ETV6: variants seen among roughly 807,000 people sequenced by gnomAD.
ETV6 encodes transcription factor ETV6.
A neutral mutation model predicts 51.1 loss-of-function variants in ETV6; 16 were observed. The observed-to-expected ratio is 0.31, with a 90% CI of 0.21 to 0.48. The LOEUF is 0.48. Ranked by LOEUF, ETV6 falls within the 20% of genes least tolerant of loss-of-function variation. The pLI, the probability that ETV6 is intolerant of heterozygous loss-of-function variation, is 0.99. For missense variants in ETV6, 458 were observed against 594.8 expected, an observed-to-expected ratio of 0.77 and a Z score of 2.39; for synonymous variants, 240 against 224.1, an observed-to-expected ratio of 1.07 and a Z score of -0.64.
intron 1 of ETV6, among the ~76,000 whole-genome samples, chr12:11,728,829 A>G (rs2120967039): frequency 6.6e-6 from 1 of 152,326 alleles, no homozygotes; most frequent in East Asian, 1.9e-4. Context: ...CCACCTGAAA[A>G]GATTTTTTTC....
chr12:11,790,506 CT>C (rs1228453374), intron 2 of ETV6, among the ~76,000 whole-genome samples: 1 of 152,048 alleles, frequency 6.6e-6, no homozygotes, highest in Non-Finnish European at 1.5e-5. Flanking sequence ...ATGGTTGACT[CT>C]TCTAGTAGCC....
chr12:11,740,444 G>A (rs1865788254), intron 1 of ETV6, among the ~76,000 whole-genome samples: 1 of 152,164 alleles, frequency 6.6e-6, no homozygotes, highest in African/African-American at 2.4e-5. Context: ...GCTGTAGCAC[G>A]CTTTCACAGC....
intron 4 of ETV6, among the ~76,000 whole-genome samples, chr12:11,860,462 G>T (rs912265909): frequency 6.6e-6 from 1 of 151,838 alleles, no homozygotes; most frequent in African/African-American, 2.4e-5. Flanking sequence ...TGGGTCTCAG[G>T]TCTCTACCTG....
At chr12:11,838,199 C>T (rs958996630) in intron 2 of ETV6, among the ~76,000 whole-genome samples, 27 of 152,114 alleles carry the variant, frequency 1.8e-4, no homozygotes, top group African/African-American at 2.4e-4. Flanking sequence ...AGAATGAGAG[C>T]GAAAAAGGCA....
chr12:11,893,369 A>T lies in ETV6; in HGVS notation c.*2323A>T, dbSNP rs1947326515. 1 of 230,334 alleles carries T rather than the reference A, an allele frequency of 4.3e-6. No homozygotes were observed. The allele number at this position is 230,334 out of a possible 1,614,324, so 14.3% of individuals were successfully genotyped here. On this transcript the variant is annotated 3_prime_UTR_variant, in exon 8 of 8. Transcript: ENST00000396373. ...CTCTTACTGTTCAAAGAATCTTAAC[A>T]GTTGAATTATGGAGGGAAATTCCCT...
At chr12:11,705,324 C>A (rs1288356297) in intron 1 of ETV6, among the ~76,000 whole-genome samples, 1 of 152,166 alleles carries the variant, frequency 6.6e-6, no homozygotes, top group African/African-American at 2.4e-5. Flanking sequence ...TAGCCAAAGG[C>A]TCTCAAAAAA....
intron 5 of ETV6, among the ~76,000 whole-genome samples, chr12:11,883,276 C>CCTTTTTTTTTTT (rs1947129956): frequency 1.3e-5 from 1 of 79,118 alleles, no homozygotes; most frequent in African/African-American, 7.4e-5. Context: ...ATGTCTTCTT[C>CCTTTTTTTTTTT]TTTTTTTTTT....
At chr12:11,846,622 C>T (rs192441576) in intron 3 of ETV6, among the ~76,000 whole-genome samples, 2 of 152,238 alleles carry the variant, frequency 1.3e-5, no homozygotes, top group Admixed American at 6.5e-5. Flanking sequence ...AAAAAGATGC[C>T]CTTAACAATT....
At chr12:11,759,308 G>A (rs1475582361) in intron 2 of ETV6, among the ~76,000 whole-genome samples, 1 of 152,126 alleles carries the variant, frequency 6.6e-6, no homozygotes, top group Non-Finnish European at 1.5e-5. Context: ...CGCTGTGGGG[G>A]ATGGGGAGGG....
intron 2 of ETV6, among the ~76,000 whole-genome samples, chr12:11,836,869 C>G (rs1437836614): frequency 1.3e-5 from 2 of 152,198 alleles, no homozygotes; most frequent in Non-Finnish European, 2.9e-5. Flanking sequence ...CTCACTGGAC[C>G]TCTCACCTCC....
intron 1 of ETV6, among the ~76,000 whole-genome samples, chr12:11,706,517 A>G (rs991336593): frequency 6.6e-6 from 1 of 152,228 alleles, no homozygotes; most frequent in Non-Finnish European, 1.5e-5. Flanking sequence ...TAGGTTAAAT[A>G]GTGAATCAGT....
At chr12:11,651,189 T>G (rs1863899506) in intron 1 of ETV6, among the ~76,000 whole-genome samples, 1 of 152,234 alleles carries the variant, frequency 6.6e-6, no homozygotes, top group East Asian at 1.9e-4. Flanking sequence ...TCCGCTCTTG[T>G]GAGAGGCTGA....
intron 1 of ETV6, among the ~76,000 whole-genome samples, chr12:11,732,818 C>G (rs1274507781): frequency 1.3e-5 from 2 of 152,174 alleles, no homozygotes; most frequent in Non-Finnish European, 2.9e-5. Flanking sequence ...AATTCCAGCT[C>G]TGTAATCATT....
chr12:11,754,327 C>A (rs1944974763), intron 2 of ETV6, among the ~76,000 whole-genome samples: 1 of 152,266 alleles, frequency 6.6e-6, no homozygotes, highest in South Asian at 2.1e-4. Context: ...AAAAAAGTAT[C>A]AAACACTCAT....
At position 11,708,271 on chromosome 12, in the gene ETV6, A is replaced by G. The variant is rs1169269539; in HGVS notation, c.34-44179A>G. Among the ~76,000 whole-genome samples the G allele has an allele frequency of 3.3e-5, 5 of 152,206 alleles. No individual in the cohort carries two copies. The South Asian group carries it at 1.0e-3, about 32-fold the overall frequency. ...GGAGTCTCAGTGAAAAAAAAAAAAA[A>G]AAGAACAAGAATGTAGACTTGGAAT... is the stretch of plus-strand genomic sequence containing the variant. On this transcript the variant is annotated intron_variant, in intron 1 of 7. Transcript: ENST00000396373.
At chr12:11,787,744 A>G (rs1032268667) in intron 2 of ETV6, among the ~76,000 whole-genome samples, 1 of 152,198 alleles carries the variant, frequency 6.6e-6, no homozygotes, top group East Asian at 1.9e-4. Context: ...ATTTTTTTAC[A>G]TGGAGTCTAT....
At chr12:11,660,103 T>C (rs1277137842) in intron 1 of ETV6, among the ~76,000 whole-genome samples, 3 of 152,194 alleles carry the variant, frequency 2.0e-5, no homozygotes, top group African/African-American at 7.2e-5. Flanking sequence ...GCAATAGATA[T>C]GCCAGCTACC....
rs540907284 is a variant in ETV6, at chr12:11,867,410, A to T, written c.464-2014A>T. On this transcript the variant is annotated intron_variant, in intron 4 of 7. Coordinates refer to ENST00000396373, the MANE Select transcript of ETV6 (RefSeq NM_001987.5). The stretch of plus-strand genomic sequence containing the variant: ...GATATATACTATAATTTATTAAATC[A>T]GTCTTCTATTGATAGCTATTCCAAT... Among the ~76,000 whole-genome samples the T allele has an allele frequency of 2.8e-3, 422 of 152,342 alleles. 2 individuals are homozygous for T. The highest frequency in any genetic ancestry group is 9.3e-3 in the African/African-American group (388 of 41,572).
At chr12:11,815,392 T>C (rs1313788344) in intron 2 of ETV6, among the ~76,000 whole-genome samples, 1 of 152,216 alleles carries the variant, frequency 6.6e-6, no homozygotes, top group African/African-American at 2.4e-5. Flanking sequence ...GCAAGGCAAC[T>C]GGTCCACATG....
Sources: gnomAD v4.1 joint callset for allele counts (sites outside exome capture counted in the v4.1 genomes callset) on GRCh38, gnomAD v4.1.1 for gene constraint, MANE v1.5 for transcripts, NCBI Gene and HGNC (gene_info 2026-07-23, HGNC 2026-07-21) for gene names.